The following TBC1D4 variants were observed in gnomAD, a reference collection of about 807,000 sequenced individuals.
The protein encoded by TBC1D4 is TBC1 domain family member 4.
In TBC1D4, 121 loss-of-function variants were observed where a neutral mutation model predicts 142.5. That is an observed-to-expected ratio of 0.85 (90% CI 0.73 to 0.99). The LOEUF is 0.99. Ranked by LOEUF, TBC1D4 falls within the 50% of genes least tolerant of loss-of-function variation. The probability of loss-of-function intolerance (pLI) is 0.00; values close to 1 mark genes in which losing one functional copy is unlikely to be tolerated. For missense variants in TBC1D4, 1,475 were observed against 1,606.6 expected, an observed-to-expected ratio of 0.92 and a Z score of 1.40; for synonymous variants, 630 against 628.2, an observed-to-expected ratio of 1.00 and a Z score of -0.04.
chr13:75,424,189 C>G (rs1350617847), intron 1 of TBC1D4, among the ~76,000 whole-genome samples: 1 of 151,142 alleles, frequency 6.6e-6, no homozygotes, highest in Non-Finnish European at 1.5e-5. Context: ...AGGAAGATCC[C>G]TTGAGCCCAG....
At chr13:75,364,366 G>T (rs1882775229) in intron 1 of TBC1D4, among the ~76,000 whole-genome samples, 1 of 152,204 alleles carries the variant, frequency 6.6e-6, no homozygotes, top group Non-Finnish European at 1.5e-5. Context: ...AGGGGCTGTT[G>T]TAATTATTTG....
intron 20 of TBC1D4, among the ~76,000 whole-genome samples, chr13:75,287,429 T>C (rs185594293): frequency 6.6e-6 from 1 of 152,304 alleles, no homozygotes; most frequent in East Asian, 1.9e-4. Flanking sequence ...CACTTGGGCT[T>C]TCATCAGTAT....
At chr13:75,390,104 C>T (rs1410436584) in intron 1 of TBC1D4, among the ~76,000 whole-genome samples, 3 of 151,586 alleles carry the variant, frequency 2.0e-5, no homozygotes, top group Non-Finnish European at 2.9e-5. Flanking sequence ...GGTGAAACCT[C>T]GTCTCTACTA....
chr13:75,349,757 A>G lies in TBC1D4; in HGVS notation c.1276-455T>C, dbSNP rs1050741463. Reference sequence around the variant, plus strand: ...TGGATTACTTTTAGTGTAAAAGCAAACAAAAAGTGTTAAGTAAAGTTCTGG... The same window carrying G: ...TGGATTACTTTTAGTGTAAAAGCAAGCAAAAAGTGTTAAGTAAAGTTCTGG... On this transcript the variant is annotated intron_variant, in intron 4 of 20. Coordinates refer to ENST00000377636, the MANE Select transcript of TBC1D4 (RefSeq NM_014832.5). Among the ~76,000 whole-genome samples, 196 of 152,186 alleles carry G rather than the reference A, an allele frequency of 1.3e-3. 5 individuals carry two copies. The highest frequency in any genetic ancestry group is 1.0e-4 in the Non-Finnish European group (7 of 68,038).
At chr13:75,451,101 T>C (rs1450939915) in intron 1 of TBC1D4, among the ~76,000 whole-genome samples, 2 of 152,184 alleles carry the variant, frequency 1.3e-5, no homozygotes, top group African/African-American at 4.8e-5. Context: ...CTTTACCGTA[T>C]TTGCATTGCA....
At chr13:75,431,371 C>T (rs1886586626) in intron 1 of TBC1D4, among the ~76,000 whole-genome samples, 1 of 152,178 alleles carries the variant, frequency 6.6e-6, no homozygotes, top group Non-Finnish European at 1.5e-5. Flanking sequence ...CCTAAATGAT[C>T]TTAATCCCCT....
At chr13:75,412,095 A>G (rs375407873) in intron 1 of TBC1D4, among the ~76,000 whole-genome samples, 18 of 152,176 alleles carry the variant, frequency 1.2e-4, no homozygotes, top group African/African-American at 4.3e-4. Flanking sequence ...TGTAAATTAT[A>G]ATGAATAAGA....
chr13:75,409,600 A>G (rs1036548763), intron 1 of TBC1D4, among the ~76,000 whole-genome samples: 2 of 152,186 alleles, frequency 1.3e-5, no homozygotes, highest in African/African-American at 4.8e-5. Flanking sequence ...AGTTCATTCC[A>G]CAGTTTGATG....
chr13:75,345,803 T>C (rs918366244), intron 5 of TBC1D4, among the ~76,000 whole-genome samples: 3 of 152,054 alleles, frequency 2.0e-5, no homozygotes, highest in Non-Finnish European at 4.4e-5. Context: ...GATCCAGCTA[T>C]ATGTCTACAC....
chr13:75,312,314 A>G (rs1230343540), intron 13 of TBC1D4, among the ~76,000 whole-genome samples: 1 of 151,770 alleles, frequency 6.6e-6, no homozygotes, highest in Non-Finnish European at 1.5e-5. Flanking sequence ...TTGGAAGCTG[A>G]GGTAAGATGA....
chr13:75,300,943 C>T (rs1282726731), intron 16 of TBC1D4, among the ~76,000 whole-genome samples: 1 of 152,188 alleles, frequency 6.6e-6, no homozygotes, highest in Non-Finnish European at 1.5e-5. Flanking sequence ...CACAAAAACT[C>T]ATTTTCAGTT....
At chr13:75,460,463 T>C (rs563801125) in intron 1 of TBC1D4, among the ~76,000 whole-genome samples, 2 of 152,026 alleles carry the variant, frequency 1.3e-5, no homozygotes, top group African/African-American at 4.8e-5. Context: ...AAAAGACCAA[T>C]GTGTGTAGAG....
chr13:75,309,388 T>C (rs887039771), intron 14 of TBC1D4, among the ~76,000 whole-genome samples: 1 of 152,048 alleles, frequency 6.6e-6, no homozygotes, highest in African/African-American at 2.4e-5. Flanking sequence ...CTTTGTTAAA[T>C]AGAAAATTTA....
At chr13:75,437,129 T>G (rs532141158) in intron 1 of TBC1D4, among the ~76,000 whole-genome samples, 2 of 152,294 alleles carry the variant, frequency 1.3e-5, no homozygotes, top group South Asian at 4.1e-4. Flanking sequence ...ACAAATGGAT[T>G]CGATACAGAT....
chr13:75,359,827 G>A lies in TBC1D4; in HGVS notation c.1112C>T (p.Pro371Leu), dbSNP rs1882355300. The change falls in exon 3 of 21, where the codon CCA becomes CTA. Residue 371 changes from proline to leucine, a missense_variant. Pro to Leu is a moderately conservative substitution (Grantham distance 98, BLOSUM62 -3). Coordinates refer to ENST00000377636, the MANE Select transcript of TBC1D4 (RefSeq NM_014832.5). ...VGRFEINLISPDTKSVVLEKN... is the reference protein window; with the variant it reads ...VGRFEINLISLDTKSVVLEKN... ...TTCTAGCACAACTGATTTAGTGTCT[G>A]GACTGATAAGGTTAATCTCAAATCG... 1 of 1,613,546 alleles carries A rather than the reference G, an allele frequency of 6.2e-7. No homozygotes were observed. Among genetic ancestry groups the A allele is most frequent in the African/African-American group, 1.3e-5 (1 of 75,002 alleles).
At chr13:75,398,094 G>A (rs1884893830) in intron 1 of TBC1D4, among the ~76,000 whole-genome samples, 1 of 152,224 alleles carries the variant, frequency 6.6e-6, no homozygotes, top group Admixed American at 6.5e-5. Context: ...GAGCCACTCA[G>A]TCAAGGCTTC....
In TBC1D4 at chr13:75,296,905, G is replaced by T. The variant is rs145760733; in HGVS notation, c.3157-1892C>A. 3.1e-4 allele frequency among the ~76,000 whole-genome samples: 47 copies of T among 152,218 alleles called. No homozygotes were observed. In the East Asian group the frequency reaches 8.7e-3, roughly 28 times the overall value. ...ACATTTTACAGATAAGGTAACTGAA[G>T]CCTGGAGCACCCAAGCCACCAAGAG... On this transcript the variant is annotated intron_variant, in intron 17 of 20. Transcript: ENST00000377636.
intron 1 of TBC1D4, among the ~76,000 whole-genome samples, chr13:75,447,022 T>C (rs1887313192): frequency 6.6e-6 from 1 of 152,184 alleles, no homozygotes; most frequent in African/African-American, 2.4e-5. Context: ...GGCTAAGATC[T>C]TTTTATATAT....
rs1167379040 is a variant in TBC1D4 at position 75,284,153 on chromosome 13, C to T, written c.*2639G>A. ...TCACCATGCAGATCTTGTAAAGCAG[C>T]GGTCTTCAACCTTCTTGACACCAGG... is the stretch of plus-strand genomic sequence containing the variant. On this transcript the variant is annotated 3_prime_UTR_variant, in exon 21 of 21. Transcript: ENST00000377636. 2.6e-5 allele frequency among the ~76,000 whole-genome samples: 4 copies of T among 152,104 alleles called. No individual in the cohort carries two copies. Among genetic ancestry groups the T allele is most frequent in the East Asian group, 1.9e-4 (1 of 5,198 alleles).
Sources: allele counts gnomAD v4.1 joint callset (sites outside exome capture counted in the v4.1 genomes callset), GRCh38; gene constraint gnomAD v4.1.1; transcripts MANE v1.5; gene names NCBI Gene and HGNC (gene_info 2026-07-23, HGNC 2026-07-21).